Variants in CALN1 observed in about 807,000 individuals in gnomAD.
The protein encoded by CALN1 is calneuron 1, also known as calcium-binding protein 8.
In CALN1, 17 loss-of-function variants were observed where a neutral mutation model predicts 30.6. That is an observed-to-expected ratio of 0.56 (90% CI 0.38 to 0.83). The LOEUF (loss-of-function observed/expected upper bound fraction) is 0.83, where lower values mean the gene tolerates loss of function less well. CALN1 is among the 40% of genes least tolerant of loss of function. The pLI, the probability that CALN1 is intolerant of heterozygous loss-of-function variation, is 0.00. For synonymous variants in CALN1, 156 were observed against 131.4 expected (o/e 1.19, Z -1.28); for missense variants, 291 against 354.9 (o/e 0.82, Z 1.45).
At chr7:71,973,112 G>GA (rs1252174879) in intron 5 of CALN1, among the ~76,000 whole-genome samples, 1 of 151,148 alleles carries the variant, frequency 6.6e-6, no homozygotes, top group South Asian at 2.1e-4. Context: ...CTCTATTTTT[G>GA]AAAAAATAAT....
chr7:72,385,954 T>C (rs1012996524), intron 2 of CALN1, among the ~76,000 whole-genome samples: 2 of 152,204 alleles, frequency 1.3e-5, no homozygotes, highest in Non-Finnish European at 2.9e-5. Flanking sequence ...AAACAACTAA[T>C]ACAAATTATC....
At chr7:72,292,101 A>G (rs1240652191) in intron 2 of CALN1, among the ~76,000 whole-genome samples, 6 of 152,074 alleles carry the variant, frequency 3.9e-5, no homozygotes, top group Non-Finnish European at 2.9e-5. Context: ...GAATAATTGC[A>G]GTTATTGCCA....
At chr7:72,296,194 T>C (rs1798841120) in intron 2 of CALN1, among the ~76,000 whole-genome samples, 2 of 151,514 alleles carry the variant, frequency 1.3e-5, no homozygotes, top group South Asian at 2.1e-4. Flanking sequence ...GAACCAGCCT[T>C]GCATCCCAGG....
intron 3 of CALN1, among the ~76,000 whole-genome samples, chr7:72,118,071 T>C (rs553182275): frequency 9.9e-5 from 15 of 152,210 alleles, no homozygotes; most frequent in South Asian, 4.2e-4. Flanking sequence ...GGGCCATTGA[T>C]AGGATGAACC....
chr7:72,368,547 C>T (rs1490144447), intron 2 of CALN1, among the ~76,000 whole-genome samples: 2 of 151,824 alleles, frequency 1.3e-5, no homozygotes, highest in South Asian at 2.1e-4. Context: ...GTCTACTGAA[C>T]ATTCAACTCA....
intron 2 of CALN1, among the ~76,000 whole-genome samples, chr7:72,360,534 T>C (rs1473035349): frequency 6.6e-6 from 1 of 151,340 alleles, no homozygotes; most frequent in African/African-American, 2.4e-5. Context: ...TGGATGTCAA[T>C]CACCTTGGAG....
chr7:72,249,959 A>C (rs112088955), intron 3 of CALN1, among the ~76,000 whole-genome samples: 1 of 147,668 alleles, frequency 6.8e-6, no homozygotes, highest in African/African-American at 2.5e-5. Context: ...AAAAAAAAAA[A>C]AGAGAGAGAG....
At chr7:72,052,741 AC>A (rs1022151990) in intron 4 of CALN1, among the ~76,000 whole-genome samples, 1 of 151,930 alleles carries the variant, frequency 6.6e-6, no homozygotes, top group African/African-American at 2.4e-5. Flanking sequence ...ATGACAACTC[AC>A]CCCGTCTCAG....
chr7:71,815,098 G>A lies in CALN1; in HGVS notation c.502-4606C>T, dbSNP rs140589358. Among the ~76,000 whole-genome samples, 732 of 152,170 alleles carry A rather than the reference G, an allele frequency of 4.8e-3. 4 individuals are homozygous for A. Among genetic ancestry groups the A allele is most frequent in the African/African-American group, 0.017 (689 of 41,536 alleles). On this transcript the variant is annotated intron_variant, in intron 5 of 6. Transcript: ENST00000395275. ...TCTGCCCGGCTCGGCCTCCCAAAGT[G>A]CTGGGATTACAGGCGTGAGTCAACA...
At chr7:71,928,504 A>G (rs1478657419) in intron 5 of CALN1, among the ~76,000 whole-genome samples, 1 of 152,022 alleles carries the variant, frequency 6.6e-6, no homozygotes, top group Non-Finnish European at 1.5e-5. Flanking sequence ...TTTACCCCGA[A>G]TATTTTTGAT....
chr7:71,911,539 A>G (rs1269742851), intron 5 of CALN1, among the ~76,000 whole-genome samples: 3 of 152,240 alleles, frequency 2.0e-5, no homozygotes, highest in Non-Finnish European at 2.9e-5. Context: ...TGATGTACTA[A>G]TATCAATAAA....
chr7:72,449,957 A>G (rs1808628723), upstream of CALN1, among the ~76,000 whole-genome samples: 1 of 150,856 alleles, frequency 6.6e-6, no homozygotes, highest in African/African-American at 2.4e-5. Context: ...TGTAATCCCA[A>G]CGCTTTGGGT....
intron 3 of CALN1, among the ~76,000 whole-genome samples, chr7:72,250,634 C>T (rs1351524135): frequency 6.6e-6 from 1 of 151,922 alleles, no homozygotes; most frequent in Non-Finnish European, 1.5e-5. Context: ...GGTTTGGTGC[C>T]CTCCCTGCAG....
At chr7:72,437,120 T>C (rs1808185382) in intron 1 of CALN1, among the ~76,000 whole-genome samples, 1 of 151,890 alleles carries the variant, frequency 6.6e-6, no homozygotes, top group Non-Finnish European at 1.5e-5. Context: ...TTGCTGAAAT[T>C]TTAGAAACAC....
intron 3 of CALN1, among the ~76,000 whole-genome samples, chr7:72,106,702 AAGGGAGGGAGGG>A (rs200266632): frequency 0.2 from 7,764 of 38,962 alleles, 2,666 homozygotes; most frequent in East Asian, 0.44. Context: ...GGGAGGGAGG[AAGGGAGGGAGGG>A]AGGAAGGGAG....
chr7:72,054,540 T>TACACATATATAC lies in CALN1; in HGVS notation c.389-30772_389-30771insGTATATATGTGT, dbSNP rs1554425607. Among the ~76,000 whole-genome samples, 18 of 106,894 alleles carry TACACATATATAC rather than the reference T, an allele frequency of 1.7e-4. No homozygotes were observed. The South Asian group carries it at 3.5e-3, about 21-fold the overall frequency. 70.1% of individuals were successfully genotyped at this position (106,894 alleles called of 152,430 possible). ...ATATACATATATACATACATATATA[T>TACACATATATAC]ATACATATATATATATATATAATGG... On this transcript the variant is annotated intron_variant, in intron 4 of 6. Coordinates refer to ENST00000395275, the MANE Select transcript of CALN1 (RefSeq NM_031468.4).
chr7:72,432,878 G>T (rs147886624), intron 1 of CALN1, among the ~76,000 whole-genome samples: 1 of 152,088 alleles, frequency 6.6e-6, no homozygotes, highest in Non-Finnish European at 1.5e-5. Flanking sequence ...GCAAAAAGAC[G>T]GTGCTAGTAA....
At chr7:72,439,087 A>C (rs1233013377) in intron 1 of CALN1, among the ~76,000 whole-genome samples, 1 of 152,198 alleles carries the variant, frequency 6.6e-6, no homozygotes, top group Non-Finnish European at 1.5e-5. Flanking sequence ...CTAAGGCTGG[A>C]GTGCAGTGAC....
At chr7:72,018,982 G>A (rs547582508) in intron 5 of CALN1, among the ~76,000 whole-genome samples, 81 of 151,090 alleles carry the variant, frequency 5.4e-4, no homozygotes, top group African/African-American at 1.9e-3. Context: ...GATTACAGGC[G>A]ATTACCACCA....
Sources: allele counts gnomAD v4.1 joint callset (sites outside exome capture counted in the v4.1 genomes callset), GRCh38; gene constraint gnomAD v4.1.1; transcripts MANE v1.5; gene names NCBI Gene and HGNC (gene_info 2026-07-23, HGNC 2026-07-21).